Variants in CD24 observed in about 807,000 individuals in gnomAD.
CD24 encodes the protein CD24 molecule, also known as signal transducer CD24.
In CD24, 2 loss-of-function variants were observed where a neutral mutation model predicts 3.6. That is an observed-to-expected ratio of 0.56 (90% CI 0.23 to 1.77). CD24 has a LOEUF of 1.77. Among genes scored for constraint, CD24 ranks in the 40% most tolerant of loss-of-function variants. The pLI is 0.18. For synonymous variants in CD24, 33 were observed against 44.9 expected (o/e 0.74, Z 1.06); for missense variants, 62 against 93.6 (o/e 0.66, Z 1.39).
chr6:106,971,316 C>T lies in CD24; in HGVS notation c.*345G>A. The T allele has an allele frequency of 4.1e-6, 1 of 243,334 alleles. No individual in the cohort carries two copies. The highest frequency in any genetic ancestry group is 7.9e-6 in the Non-Finnish European group (1 of 127,004). 15.1% of individuals were successfully genotyped at this position (243,334 alleles called of 1,614,324 possible). ...CTGAATCTCCATTCCACAATCCCAT[C>T]CTTTATTTCTATTCTTATTTTCAAG... On this transcript the variant is annotated 3_prime_UTR_variant, in exon 2 of 2. Coordinates refer to ENST00000606017, the MANE Select transcript of CD24 (RefSeq NM_001359084.1).
At position 106,974,255 on chromosome 6, in the gene CD24, G is replaced by C. The variant is rs986175938; in HGVS notation, c.69+323C>G. On this transcript the variant is annotated intron_variant, in intron 1 of 1. Coordinates refer to ENST00000606017, the MANE Select transcript of CD24 (RefSeq NM_001359084.1). The stretch of plus-strand genomic sequence containing the variant: ...AGGCGCTAATCCCTGCAGGCACCTC[G>C]GGCCTCTGGGTGAAAGTGGGAAGTA... Among the ~76,000 whole-genome samples the C allele has an allele frequency of 7.1e-3, 1,085 of 152,306 alleles. 9 individuals carry two copies. The highest frequency in any genetic ancestry group is 0.013 in the Non-Finnish European group (917 of 68,022).
upstream of CD24, chr6:106,975,182 T>A (rs957192488): frequency 5.9e-5 from 9 of 151,908 alleles, no homozygotes; most frequent in Non-Finnish European, 1.5e-5. Flanking sequence ...TAGCCGCCTG[T>A]CCTGGAGCAA....
chr6:106,973,572 G>T (rs1326688463), intron 1 of CD24: 2 of 398,216 alleles, frequency 5.0e-6, no homozygotes, highest in Non-Finnish European at 8.9e-6. Context: ...AACTTTGGGG[G>T]AGAAGCCCCA....
chr6:106,974,554 C>G, intron 1 of CD24, 24 bp downstream of exon 1: 1 of 1,400,074 alleles, frequency 7.1e-7, no homozygotes, highest in Non-Finnish European at 9.3e-7. Context: ...GGCCCTCGAG[C>G]CCCGCCGGGC....
In CD24 at chr6:106,970,583, G is replaced by C. The variant is rs1228774853; in HGVS notation, c.*1078C>G. The C allele has an allele frequency of 6.6e-6, 1 of 152,162 alleles. No individual in the cohort carries two copies. Among genetic ancestry groups the C allele is most frequent in the Non-Finnish European group, 1.5e-5 (1 of 68,036 alleles). The allele number at this position is 152,162 out of a possible 1,614,324, so 9.4% of individuals were successfully genotyped here. ...TCCCAGCACTTTGGGAGGCCGAGGC[G>C]GGTGGATCACCTGAGGTCAGGAGTT... On this transcript the variant is annotated 3_prime_UTR_variant, in exon 2 of 2. Transcript: ENST00000606017.
chr6:106,970,146 A>T lies in CD24; in HGVS notation c.*1515T>A, dbSNP rs1226723137. On this transcript the variant is annotated 3_prime_UTR_variant, in exon 2 of 2. Coordinates refer to ENST00000606017, the MANE Select transcript of CD24 (RefSeq NM_001359084.1). ...ACCATGCGAACAAAAGACTTCGGGG[A>T]GTGTCTATTTTTAAAAAGGTTTATG... The T allele has an allele frequency of 7.2e-5, 11 of 152,616 alleles. No individual in the cohort carries two copies. The highest frequency in any genetic ancestry group is 2.4e-4 in the African/African-American group (10 of 41,576). 9.5% of individuals were successfully genotyped at this position (152,616 alleles called of 1,614,324 possible). A position where few individuals can be genotyped will look rare whatever the true frequency, so the allele number is the denominator to read the frequency against.
At chr6:106,973,159 T>C (rs1172291507) in intron 1 of CD24, among the ~76,000 whole-genome samples, 1 of 152,228 alleles carries the variant, frequency 6.6e-6, no homozygotes, top group Non-Finnish European at 1.5e-5. Flanking sequence ...TGAGTTTTAC[T>C]GCAGCAGGTG....
chr6:106,974,134 T>A (rs1339089954), intron 1 of CD24: 1 of 391,802 alleles, frequency 2.6e-6, no homozygotes, highest in African/African-American at 2.1e-5. Context: ...CCGTCGCCTC[T>A]CTTTGTGTAG....
At position 106,974,648 on chromosome 6, in the gene CD24, TC is replaced by T; in HGVS notation, c.-3del. 6.7e-7 allele frequency: 1 copy of T among 1,494,458 alleles called. No individual in the cohort carries two copies. Among genetic ancestry groups the T allele is most frequent in the South Asian group, 1.3e-5 (1 of 77,526 alleles). The allele number at this position is 1,494,458 out of a possible 1,614,324, so 92.6% of individuals were successfully genotyped here. ...CCTGGCCACCATTGCTCTGCCCATGTCCCCTCCGTCGGTGCGCGGCGCGTCT... is the reference window on the plus strand; with the variant it reads ...CCTGGCCACCATTGCTCTGCCCATGTCCCTCCGTCGGTGCGCGGCGCGTCT... On this transcript the variant is annotated 5_prime_UTR_variant, in exon 1 of 2. Transcript: ENST00000606017.
At chr6:106,974,487 G>A in intron 1 of CD24, 91 bp downstream of exon 1, 2 of 710,458 alleles carry the variant, frequency 2.8e-6, no homozygotes, top group Non-Finnish European at 4.3e-6. Context: ...CCCGAGGCAG[G>A]AGCGCAGGAC....
chr6:106,974,006 G>C (rs1773039944), intron 1 of CD24: 1 of 397,772 alleles, frequency 2.5e-6, no homozygotes. Flanking sequence ...TCCCCGCCTC[G>C]GCTTCAGCCC....
chr6:106,971,689 G>A lies in CD24; in HGVS notation c.215C>T (p.Ser72Leu). 9.0e-6 allele frequency: 14 copies of A among 1,547,586 alleles called. No individual in the cohort carries two copies. The highest frequency in any genetic ancestry group is 1.2e-5 in the Non-Finnish European group (14 of 1,144,042). The change falls in exon 2 of 2, where the codon TCA becomes TTA. Residue 72 changes from serine to leucine, a missense_variant. By Grantham distance (145) the Ser-to-Leu change is moderately radical. Transcript: ENST00000606017. ...AGAGTAGAGATGCAGAAGAGAGAGTGAGACCACGAAGAGACTGGCTGTTGA... is the reference window on the plus strand; with the variant it reads ...AGAGTAGAGATGCAGAAGAGAGAGTAAGACCACGAAGAGACTGGCTGTTGA... ...LQSTASLFVV[S>L]LSLLHLYS
chr6:106,975,261 C>G (rs1379790519), upstream of CD24: 3 of 152,026 alleles, frequency 2.0e-5, no homozygotes, highest in Admixed American at 2.0e-4. Context: ...CCAGTGCGAC[C>G]GCGTGGGGGG....
intron 1 of CD24, among the ~76,000 whole-genome samples, 197 bp downstream of exon 1, chr6:106,974,381 A>AG (rs1259362747): frequency 6.6e-5 from 10 of 151,910 alleles, no homozygotes; most frequent in Admixed American, 3.9e-4. Context: ...CCGTGGGAGG[A>AG]GGGGGGGCAG....
At position 106,971,739 on chromosome 6, in the gene CD24, G is replaced by A; in HGVS notation, c.165C>T (p.Thr55=). 6.5e-7 allele frequency: 1 copy of A among 1,549,918 alleles called. No homozygotes were observed. The highest frequency in any genetic ancestry group is 8.7e-7 in the Non-Finnish European group (1 of 1,145,448). The change falls in exon 2 of 2, where the codon ACC becomes ACT. Residue 55 remains threonine, a synonymous_variant. Transcript: ENST00000606017. The stretch of plus-strand genomic sequence containing the variant: ...ACTGCAGGGCACCACCAGCCGCCTT[G>A]GTGGTGGCATTAGTTGGATTTGGGG... ...GLAPNPTNAT[T]KAAGGALQST...
intron 1 of CD24, chr6:106,973,670 C>T: frequency 2.5e-6 from 1 of 398,804 alleles, no homozygotes; most frequent in Non-Finnish European, 4.4e-6. Flanking sequence ...ACAAACGTAC[C>T]TTCTTCGCCC....
chr6:106,972,095 T>G (rs900007517), intron 1 of CD24, among the ~76,000 whole-genome samples: 1,545 of 152,346 alleles, frequency 0.01, 33 homozygotes, highest in African/African-American at 0.035. Context: ...ATAACTCCTG[T>G]TTTTATTTCT....
At chr6:106,974,267 GA>G in intron 1 of CD24, among the ~76,000 whole-genome samples, 1 of 152,348 alleles carries the variant, frequency 6.6e-6, no homozygotes, top group East Asian at 1.9e-4. Flanking sequence ...GCCTCTGGGT[GA>G]AAGTGGGAAG....
intron 1 of CD24, 53 bp downstream of exon 1, chr6:106,974,525 C>T: frequency 8.8e-7 from 1 of 1,136,294 alleles, no homozygotes. Flanking sequence ...TCCATCTCCC[C>T]TGCCCCCACC....
Sources: allele counts gnomAD v4.1 joint callset (sites outside exome capture counted in the v4.1 genomes callset), GRCh38; gene constraint gnomAD v4.1.1; transcripts MANE v1.5; gene names NCBI Gene and HGNC (gene_info 2026-07-23, HGNC 2026-07-21).